The following PTPRD variants were observed in gnomAD, a reference collection of about 807,000 sequenced individuals.
PTPRD encodes the protein receptor-type tyrosine-protein phosphatase delta.
A neutral mutation model predicts 214.5 loss-of-function variants in PTPRD; 34 were observed. That is an observed-to-expected ratio of 0.16 (90% CI 0.12 to 0.21). The LOEUF (loss-of-function observed/expected upper bound fraction) is 0.21, where lower values mean the gene tolerates loss of function less well. Among genes scored for constraint, PTPRD ranks in the 10% least tolerant of loss-of-function variants. The pLI is 1.00. For synonymous variants in PTPRD, 1,128 were observed against 845.7 expected (o/e 1.33, Z -5.79); for missense variants, 2,545 against 2,398.7 (o/e 1.06, Z -1.27).
chr9:8,852,244 T>C (rs989338824), intron 11 of PTPRD, among the ~76,000 whole-genome samples: 1 of 152,146 alleles, frequency 6.6e-6, no homozygotes, highest in East Asian at 1.9e-4. Context: ...TCAAGGGATG[T>C]TGTTAATAAA....
At chr9:8,921,654 C>G (rs1393081232) in intron 11 of PTPRD, among the ~76,000 whole-genome samples, 2 of 151,752 alleles carry the variant, frequency 1.3e-5, no homozygotes, top group Admixed American at 6.6e-5. Flanking sequence ...CCACCACACT[C>G]AGCTAATTTT....
chr9:10,215,496 C>T (rs2099537128), intron 3 of PTPRD, among the ~76,000 whole-genome samples: 1 of 152,008 alleles, frequency 6.6e-6, no homozygotes, highest in Non-Finnish European at 1.5e-5. Flanking sequence ...ATTTTGTAGT[C>T]AGGCAACATT....
chr9:9,509,474 C>A (rs979280239), intron 8 of PTPRD, among the ~76,000 whole-genome samples: 4 of 151,278 alleles, frequency 2.6e-5, no homozygotes, highest in African/African-American at 9.7e-5. Flanking sequence ...ACACCAGACC[C>A]CTCACTTGTG....
At chr9:10,523,690 CTAATA>C (rs2053311329) in intron 2 of PTPRD, among the ~76,000 whole-genome samples, 1 of 141,746 alleles carries the variant, frequency 7.1e-6, no homozygotes, top group Non-Finnish European at 1.5e-5. Context: ...GAAAGCGGCT[CTAATA>C]TGTTTGTTTA....
chr9:10,416,957 T>C (rs561030744), intron 2 of PTPRD, among the ~76,000 whole-genome samples: 2 of 152,034 alleles, frequency 1.3e-5, no homozygotes, highest in South Asian at 2.1e-4. Flanking sequence ...TTGCAGGAAC[T>C]CTCTGAAACA....
chr9:10,396,745 G>C (rs192374561), intron 2 of PTPRD, among the ~76,000 whole-genome samples: 28 of 152,050 alleles, frequency 1.8e-4, no homozygotes, highest in South Asian at 1.0e-3. Flanking sequence ...CATAACAATT[G>C]CCTGTAATGC....
At chr9:8,805,693 C>T (rs76000509) in intron 11 of PTPRD, among the ~76,000 whole-genome samples, 2,519 of 151,482 alleles carry the variant, frequency 0.017, 65 homozygotes, top group African/African-American at 0.058. Context: ...ACCTCCACCC[C>T]CTGGGTTCAA....
At chr9:9,402,001 C>G (rs1171980393) in intron 8 of PTPRD, among the ~76,000 whole-genome samples, 1 of 152,048 alleles carries the variant, frequency 6.6e-6, no homozygotes, top group African/African-American at 2.4e-5. Flanking sequence ...TTCATTATAA[C>G]AGTGTGAGAA....
At chr9:8,958,434 C>G (rs2099142868) in intron 11 of PTPRD, among the ~76,000 whole-genome samples, 1 of 151,852 alleles carries the variant, frequency 6.6e-6, no homozygotes. Context: ...AATATTGGTG[C>G]AGTTTTGAGA....
intron 14 of PTPRD, among the ~76,000 whole-genome samples, chr9:8,536,503 T>C (rs903838521): frequency 1.3e-5 from 2 of 151,894 alleles, no homozygotes; most frequent in African/African-American, 2.4e-5. Context: ...TCCCTCAGGA[T>C]TGGTTCTAGA....
chr9:9,881,114 G>C (rs2068539413), intron 5 of PTPRD, among the ~76,000 whole-genome samples: 1 of 152,096 alleles, frequency 6.6e-6, no homozygotes, highest in Admixed American at 6.6e-5. Flanking sequence ...GCAGTGAAGT[G>C]AAACTTCACT....
In PTPRD at chr9:9,834,702, A is replaced by T. The variant is rs1230681566; in HGVS notation, c.-367-67851T>A. Among the ~76,000 whole-genome samples, 8 of 152,032 alleles carry T rather than the reference A, an allele frequency of 5.3e-5. No homozygotes were observed. In the East Asian group the frequency reaches 1.5e-3, roughly 29 times the overall value. On this transcript the variant is annotated intron_variant, in intron 5 of 45. Coordinates refer to ENST00000381196, the MANE Select transcript of PTPRD (RefSeq NM_002839.4). ...AATTGCATATCTCTAGGAAGGGTAA[A>T]ACATTAGTACAGCCACCTAAGATTT...
chr9:9,294,052 T>G lies in PTPRD; in HGVS notation c.-203+103397A>C, dbSNP rs780740244. 2.0e-5 allele frequency among the ~76,000 whole-genome samples: 3 copies of G among 151,628 alleles called. No individual in the cohort carries two copies. In the Admixed American group the frequency reaches 2.0e-4, roughly 10 times the overall value. ...ACCTGTGATACTGCCACAGTTGACC[T>G]GATAACTAAGAAGGCTGTTAAGTGA... is the stretch of plus-strand genomic sequence containing the variant. On this transcript the variant is annotated intron_variant, in intron 9 of 45. Transcript: ENST00000381196.
intron 7 of PTPRD, among the ~76,000 whole-genome samples, chr9:9,596,041 G>A (rs918526802): frequency 6.6e-6 from 1 of 151,914 alleles, no homozygotes; most frequent in African/African-American, 2.4e-5. Flanking sequence ...GGTTACATAT[G>A]TCCTTATGCA....
chr9:8,511,276 G>A (rs192167243), intron 21 of PTPRD, among the ~76,000 whole-genome samples: 13 of 152,068 alleles, frequency 8.5e-5, no homozygotes, highest in South Asian at 2.1e-4. Context: ...TCAATATGTT[G>A]CACCAGGTTG....
At chr9:10,442,969 T>A (rs190613454) in intron 2 of PTPRD, among the ~76,000 whole-genome samples, 143 of 151,530 alleles carry the variant, frequency 9.4e-4, no homozygotes, top group African/African-American at 2.8e-3. Flanking sequence ...ACATGTCTGT[T>A]TGGATATTCT....
chr9:8,730,530 A>C (rs2098645733), intron 12 of PTPRD, among the ~76,000 whole-genome samples: 1 of 152,378 alleles, frequency 6.6e-6, no homozygotes, highest in East Asian at 1.9e-4. Flanking sequence ...AGAATGTAAC[A>C]GTATGCTACA....
chr9:8,432,074 T>C (rs2095092745), intron 35 of PTPRD, among the ~76,000 whole-genome samples: 1 of 152,324 alleles, frequency 6.6e-6, no homozygotes, highest in East Asian at 1.9e-4. Context: ...GGCAACCAAA[T>C]GATCTGTAGG....
intron 11 of PTPRD, among the ~76,000 whole-genome samples, chr9:8,793,430 C>T (rs2154513388): frequency 6.6e-6 from 1 of 152,280 alleles, no homozygotes; most frequent in African/African-American, 2.4e-5. Context: ...GACTGCAGCC[C>T]CATCTAACAT....
Sources: gnomAD v4.1 joint callset for allele counts (sites outside exome capture counted in the v4.1 genomes callset) on GRCh38, gnomAD v4.1.1 for gene constraint, MANE v1.5 for transcripts, NCBI Gene and HGNC (gene_info 2026-07-23, HGNC 2026-07-21) for gene names.